GALNT13: variants seen among roughly 807,000 people sequenced by gnomAD.
GALNT13 encodes UDP-GalNAc:polypeptide N-acetylgalactosaminyltransferase 13.
GALNT13 carries 28 observed loss-of-function variants against 64.2 expected under a neutral mutation model. The observed-to-expected ratio is 0.44, with a 90% CI of 0.32 to 0.60. The LOEUF (loss-of-function observed/expected upper bound fraction) is 0.60. GALNT13 is among the 20% of genes least tolerant of loss of function. GALNT13 has a pLI of 0.05. For missense variants in GALNT13, 577 were observed against 669.8 expected (o/e 0.86, Z 1.53); for synonymous variants, 214 against 224.6 (o/e 0.95, Z 0.42).
At chr2:153,857,736 T>C in the GALNT13 span, among the ~76,000 whole-genome samples, 1 of 152,174 alleles carries the variant, frequency 6.6e-6, no homozygotes. Context: ...GATTAAAGGA[T>C]TGAGAACTGA....
At chr2:153,894,575 G>A (rs1687769969) in intron 1 of GALNT13, among the ~76,000 whole-genome samples, 1 of 151,966 alleles carries the variant, frequency 6.6e-6, no homozygotes, top group African/African-American at 2.4e-5. Context: ...AGAGATGGGG[G>A]TGACAGGGAG....
At chr2:153,995,276 T>G (rs970209130) in intron 3 of GALNT13, among the ~76,000 whole-genome samples, 1 of 152,138 alleles carries the variant, frequency 6.6e-6, no homozygotes, top group Admixed American at 6.5e-5. Flanking sequence ...GATTTGCCTA[T>G]TTAATAAATA....
the GALNT13 span, among the ~76,000 whole-genome samples, chr2:153,461,763 C>T: frequency 6.8e-4 from 103 of 152,106 alleles, 1 homozygote; most frequent in East Asian, 0.019. Flanking sequence ...AACAATTAGA[C>T]AAGAATCACC....
At chr2:153,674,571 A>G in the GALNT13 span, among the ~76,000 whole-genome samples, 2 of 152,206 alleles carry the variant, frequency 1.3e-5, no homozygotes, top group African/African-American at 4.8e-5. Context: ...AAAGACTTAA[A>G]TGTAAGACCT....
chr2:154,172,007 AT>A (rs1685381703), intron 4 of GALNT13, among the ~76,000 whole-genome samples: 13 of 144,006 alleles, frequency 9.0e-5, no homozygotes, highest in South Asian at 4.5e-4. Context: ...CACACACACA[AT>A]GCTAAGCCAG....
chr2:153,406,825 C>T, the GALNT13 span, among the ~76,000 whole-genome samples: 897 of 152,228 alleles, frequency 5.9e-3, 5 homozygotes, highest in Middle Eastern at 0.014. Context: ...TCTGGTAAAT[C>T]TAATGAATTG....
intron 3 of GALNT13, among the ~76,000 whole-genome samples, chr2:154,018,824 A>G (rs1194341199): frequency 6.6e-6 from 1 of 151,554 alleles, no homozygotes; most frequent in Non-Finnish European, 1.5e-5. Flanking sequence ...AGTGAGATGG[A>G]AGATGGTAGA....
At chr2:154,354,677 C>G (rs1282583105) in intron 9 of GALNT13, among the ~76,000 whole-genome samples, 11 of 151,800 alleles carry the variant, frequency 7.2e-5, no homozygotes, top group Non-Finnish European at 1.3e-4. Context: ...GAAGAGACCA[C>G]CCTTTTCCCC....
At chr2:153,484,059 T>C in the GALNT13 span, among the ~76,000 whole-genome samples, 1 of 152,242 alleles carries the variant, frequency 6.6e-6, no homozygotes, top group African/African-American at 2.4e-5. Context: ...CAATAAAATA[T>C]TCTAAATATT....
chr2:154,456,200 G>GTTGTTT (rs1350096720), downstream of GALNT13, among the ~76,000 whole-genome samples: 1 of 147,330 alleles, frequency 6.8e-6, no homozygotes, highest in Non-Finnish European at 1.5e-5. Flanking sequence ...TTTTGTTGTT[G>GTTGTTT]TTGTTGTTGT....
At chr2:153,661,788 C>T in the GALNT13 span, among the ~76,000 whole-genome samples, 1 of 152,064 alleles carries the variant, frequency 6.6e-6, no homozygotes, top group Admixed American at 6.6e-5. Flanking sequence ...TCTTTAATAC[C>T]TTTATATTTG....
chr2:153,342,491 G>C, the GALNT13 span, among the ~76,000 whole-genome samples: 1 of 152,134 alleles, frequency 6.6e-6, no homozygotes, highest in Admixed American at 6.6e-5. Context: ...GAATCAAAGT[G>C]CTAGCTATTA....
chr2:153,794,524 C>CTTTTT, the GALNT13 span, among the ~76,000 whole-genome samples: 2 of 146,306 alleles, frequency 1.4e-5, no homozygotes, highest in Admixed American at 6.9e-5. Context: ...ATTAGAATAA[C>CTTTTT]TTTTTTTTTT....
chr2:154,435,756 A>T (rs1700934054), intron 11 of GALNT13: 1 of 152,158 alleles, frequency 6.6e-6, no homozygotes, highest in African/African-American at 2.4e-5. Flanking sequence ...ATAACTCTAA[A>T]TATCAGCTAC....
chr2:153,069,369 C>G, the GALNT13 span, among the ~76,000 whole-genome samples: 2 of 152,120 alleles, frequency 1.3e-5, no homozygotes. Context: ...CGCCATCTTA[C>G]CTGGGAAGAG....
At chr2:153,437,565 C>A in the GALNT13 span, among the ~76,000 whole-genome samples, 2 of 152,154 alleles carry the variant, frequency 1.3e-5, no homozygotes, top group Non-Finnish European at 2.9e-5. Flanking sequence ...GAATTGATCC[C>A]TTTACCATTA....
chr2:154,197,181 A>G (rs993173505), intron 4 of GALNT13, among the ~76,000 whole-genome samples: 4 of 152,126 alleles, frequency 2.6e-5, no homozygotes, highest in South Asian at 4.1e-4. Context: ...ACGTCATTGC[A>G]CTCCAGCCTG....
At chr2:153,619,762 A>C in the GALNT13 span, among the ~76,000 whole-genome samples, 1 of 152,136 alleles carries the variant, frequency 6.6e-6, no homozygotes, top group Non-Finnish European at 1.5e-5. Context: ...TATATGTGTC[A>C]TACCACCCTC....
At chr2:154,012,240 G>T (rs141910238) in intron 3 of GALNT13, among the ~76,000 whole-genome samples, 1 of 152,284 alleles carries the variant, frequency 6.6e-6, no homozygotes, top group African/African-American at 2.4e-5. Flanking sequence ...CTTTCTTAAA[G>T]ACCTCATGTA....
Sources: gnomAD v4.1 joint callset for allele counts (sites outside exome capture counted in the v4.1 genomes callset) on GRCh38, gnomAD v4.1.1 for gene constraint, MANE v1.5 for transcripts, NCBI Gene and HGNC (gene_info 2026-07-23, HGNC 2026-07-21) for gene names.